Variants in SHOC1 observed in about 807,000 individuals in gnomAD.
SHOC1 encodes shortage in chiasmata 1.
A neutral mutation model predicts 179.2 loss-of-function variants in SHOC1; 136 were observed. The observed-to-expected ratio is 0.76, with a 90% confidence interval of 0.66 to 0.87. The LOEUF (loss-of-function observed/expected upper bound fraction) is 0.87, where lower values mean the gene tolerates loss of function less well. SHOC1 is among the 40% of genes least tolerant of loss of function. The pLI is 0.00. For missense variants in SHOC1, 1,538 were observed against 1,700.8 expected (o/e 0.90, Z 1.68); for synonymous variants, 489 against 586.6 (o/e 0.83, Z 2.41).
chr9:111,688,639 C>CA lies in SHOC1; in HGVS notation c.4427-1770dup, dbSNP rs1465649328. Among the ~76,000 whole-genome samples the CA allele has an allele frequency of 8.0e-5, 12 of 150,890 alleles. No homozygotes were observed. In the East Asian group the frequency reaches 2.3e-3, roughly 29 times the overall value. ...GCAGTTGTCAGAAATAACAAAAGTT[C>CA]AAAAAAACCAACAACATGAGAAAAA... On this transcript the variant is annotated intron_variant, in intron 27 of 27. Coordinates refer to ENST00000682961, the MANE Select transcript of SHOC1 (RefSeq NM_001378211.1).
At chr9:111,719,496 C>T (rs1832940451) in intron 15 of SHOC1, among the ~76,000 whole-genome samples, 1 of 152,072 alleles carries the variant, frequency 6.6e-6, no homozygotes, top group Non-Finnish European at 1.5e-5. Flanking sequence ...GAAGCTCAAC[C>T]CATATTCAGC....
At position 111,692,518 on chromosome 9, in the gene SHOC1, A is replaced by T. The variant is rs777179619; in HGVS notation, c.3466-7T>A. ...AAGTGATGCTACAAAAATGCTAAAA[A>T]ATGAATTAATATAATGCAAATGTCA... On this transcript the variant is annotated splice_region_variant and splice_polypyrimidine_tract_variant and intron_variant, in intron 26 of 27. Transcript: ENST00000682961. 2 of 1,537,306 alleles carry T rather than the reference A, an allele frequency of 1.3e-6. No individual in the cohort carries two copies. Among genetic ancestry groups the T allele is most frequent in the Admixed American group, 2.0e-5 (1 of 49,890 alleles).
intron 13 of SHOC1, 60 bp from the exon 14 acceptor site, chr9:111,723,971 T>C (rs1318679172): frequency 1.6e-6 from 2 of 1,268,510 alleles, no homozygotes; most frequent in African/African-American, 1.5e-5. Context: ...AATGTTGTTT[T>C]ACCTTAATTT....
At chr9:111,767,160 T>A (rs2131593626) in intron 5 of SHOC1, among the ~76,000 whole-genome samples, 1 of 152,314 alleles carries the variant, frequency 6.6e-6, no homozygotes, top group African/African-American at 2.4e-5. Context: ...ACTTTATGAT[T>A]GTTTCTTTTG....
At chr9:111,732,223 TA>T (rs1175699823) in intron 12 of SHOC1, among the ~76,000 whole-genome samples, 8 of 152,284 alleles carry the variant, frequency 5.3e-5, no homozygotes, top group Non-Finnish European at 8.8e-5. Context: ...AATTACTTTG[TA>T]ATTTATAAAA....
chr9:111,700,161 A>T (rs746088230), intron 23 of SHOC1, 114 bp from the exon 24 acceptor site: 43 of 581,100 alleles, frequency 7.4e-5, no homozygotes, highest in Non-Finnish European at 1.0e-4. Flanking sequence ...TAGCTAAGAC[A>T]ATACTAGTGT....
intron 11 of SHOC1, among the ~76,000 whole-genome samples, chr9:111,741,134 GA>G (rs1303709317): frequency 2.0e-5 from 3 of 151,878 alleles, no homozygotes; most frequent in East Asian, 1.9e-4. Flanking sequence ...CATTAGATGA[GA>G]TTTTTTTTTA....
chr9:111,704,261 C>T (rs1159343792), intron 21 of SHOC1, among the ~76,000 whole-genome samples: 1 of 152,144 alleles, frequency 6.6e-6, no homozygotes, highest in Non-Finnish European at 1.5e-5. Context: ...CAATTTATTC[C>T]AGCTCTTTAA....
intron 27 of SHOC1, among the ~76,000 whole-genome samples, chr9:111,687,185 T>C (rs1184440179): frequency 1.3e-5 from 2 of 152,094 alleles, no homozygotes; most frequent in East Asian, 3.9e-4. Context: ...TGACCTGAGG[T>C]GATCCACCTG....
At chr9:111,776,791 A>G (rs1268136507) in intron 4 of SHOC1, among the ~76,000 whole-genome samples, 1 of 152,256 alleles carries the variant, frequency 6.6e-6, no homozygotes, top group African/African-American at 2.4e-5. Flanking sequence ...GTAACTGCCC[A>G]GGCACCTTGT....
chr9:111,775,920 G>A lies in SHOC1; in HGVS notation c.313C>T (p.Pro105Ser). ...ATTTGGGAGTCTGGATTTGAACTTG[G>A]AACAACTTCCTCAAATTCACAATTA... ...QINCEFEEVVPSSNPDSQIEV... is the reference protein window; with the variant it reads ...QINCEFEEVVSSSNPDSQIEV... The change falls in exon 5 of 28, where the codon CCA becomes TCA. Residue 105 changes from proline to serine, a missense_variant. Physicochemically the swap from Pro to Ser is moderately conservative, Grantham distance 74 (BLOSUM62 -1). Transcript: ENST00000682961. 2 of 1,613,498 alleles carry A rather than the reference G, an allele frequency of 1.2e-6. No homozygotes were observed. The highest frequency in any genetic ancestry group is 1.7e-6 in the Non-Finnish European group (2 of 1,179,768).
At chr9:111,703,578 T>C (rs942729277) in intron 22 of SHOC1, among the ~76,000 whole-genome samples, 1 of 152,174 alleles carries the variant, frequency 6.6e-6, no homozygotes, top group African/African-American at 2.4e-5. Context: ...TGGCTGGAAA[T>C]TGCTTTTTTA....
chr9:111,705,389 A>T, intron 20 of SHOC1, 25 bp from the exon 21 acceptor site: 2 of 1,214,308 alleles, frequency 1.6e-6, no homozygotes, highest in South Asian at 1.7e-5. Flanking sequence ...ATTTATAAAT[A>T]TTTCTCTTTT....
rs1564161086 is a variant in SHOC1, at chr9:111,769,975, G to GTTTGTTTTTTTTTT, written c.442+5815_442+5816insAAAAAAAAAACAAA. On this transcript the variant is annotated intron_variant, in intron 5 of 27. Transcript: ENST00000682961. ...AATCTAGCGAAAGGTTTTATCTTCT[G>GTTTGTTTTTTTTTT]TTTTTTTTTTGTTTTTTTTTTTTTT... Among the ~76,000 whole-genome samples the GTTTGTTTTTTTTTT allele has an allele frequency of 6.8e-4, 60 of 87,772 alleles. 1 individual carries two copies. Among genetic ancestry groups the GTTTGTTTTTTTTTT allele is most frequent in the African/African-American group, 9.6e-4 (18 of 18,826 alleles). 57.6% of individuals were successfully genotyped at this position (87,772 alleles called of 152,430 possible). A position where few individuals can be genotyped will look rare whatever the true frequency, so the allele number is the denominator to read the frequency against.
chr9:111,707,326 A>T (rs903216778), intron 19 of SHOC1, among the ~76,000 whole-genome samples: 12 of 152,090 alleles, frequency 7.9e-5, no homozygotes, highest in African/African-American at 2.9e-4. Context: ...GTTAAAAAGT[A>T]CCTATGTCCA....
chr9:111,764,259 CT>C (rs2131585779), intron 5 of SHOC1, among the ~76,000 whole-genome samples: 1 of 152,260 alleles, frequency 6.6e-6, no homozygotes, highest in South Asian at 2.1e-4. Flanking sequence ...CTTTGTTTTA[CT>C]TAATTCTCCA....
Position 111,775,986 on chromosome 9 carries a change from A to G in SHOC1, c.258-11T>C, listed in dbSNP as rs757334888. 6.2e-7 allele frequency: 1 copy of G among 1,603,252 alleles called. No homozygotes were observed. Among genetic ancestry groups the G allele is most frequent in the Admixed American group, 1.7e-5 (1 of 59,630 alleles). On this transcript the variant is annotated splice_polypyrimidine_tract_variant and intron_variant, in intron 4 of 27. Coordinates refer to ENST00000682961, the MANE Select transcript of SHOC1 (RefSeq NM_001378211.1). ...CTTGTAATTGTTTTTCTGTGACAAT[A>G]TAAAATTACTAATGTTATGTATGTC...
At chr9:111,758,965 A>T in intron 5 of SHOC1, 117 bp from the exon 6 acceptor site, 1 of 853,816 alleles carries the variant, frequency 1.2e-6, no homozygotes, top group Non-Finnish European at 1.8e-6. Context: ...ATCACATTTT[A>T]AACTCTGTAG....
At chr9:111,744,886 G>T (rs997172645) in intron 10 of SHOC1, among the ~76,000 whole-genome samples, 4 of 152,186 alleles carry the variant, frequency 2.6e-5, no homozygotes, top group Admixed American at 6.5e-5. Flanking sequence ...AGCTATCTCA[G>T]ACTCTATCAA....
Sources: allele counts gnomAD v4.1 joint callset (sites outside exome capture counted in the v4.1 genomes callset), GRCh38; gene constraint gnomAD v4.1.1; transcripts MANE v1.5; gene names NCBI Gene and HGNC (gene_info 2026-07-23, HGNC 2026-07-21).